The following TXLNG variants were observed in gnomAD, a reference collection of about 807,000 sequenced individuals.
TXLNG encodes gamma-taxilin.
In TXLNG, 5 loss-of-function variants were observed where a neutral mutation model predicts 38.8. That is an observed-to-expected ratio of 0.13 (90% confidence interval 0.07 to 0.27). TXLNG has a LOEUF of 0.27. TXLNG is among the 10% of genes least tolerant of loss of function. The probability of loss-of-function intolerance (pLI) is 1.00; values close to 1 mark genes in which losing one functional copy is unlikely to be tolerated. For synonymous variants in TXLNG, 182 were observed against 158.2 expected, an observed-to-expected ratio of 1.15 and a Z score of -1.13; for missense variants, 393 against 398.2, an observed-to-expected ratio of 0.99 and a Z score of 0.11.
intron 4 of TXLNG, among the ~76,000 whole-genome samples, chrX:16,828,952 G>T (rs967388365): frequency 9.0e-6 from 1 of 111,133 alleles, no homozygotes; most frequent in Non-Finnish European, 1.9e-5. Context: ...TCTTGAAATG[G>T]ATCTTCACCT....
intron 3 of TXLNG, among the ~76,000 whole-genome samples, chrX:16,820,655 TA>T (rs1402158433): frequency 2.7e-5 from 3 of 112,824 alleles, no homozygotes; most frequent in Non-Finnish European, 5.6e-5. Flanking sequence ...AATCATCTGC[TA>T]AAACAATACT....
chrX:16,812,096 T>G (rs1353621598), intron 1 of TXLNG, among the ~76,000 whole-genome samples: 1 of 106,238 alleles, frequency 9.4e-6, no homozygotes, highest in African/African-American at 3.4e-5. Flanking sequence ...CTTTGTCTCC[T>G]GAGTTCAAGC....
intron 8 of TXLNG, chrX:16,839,373 C>G (rs967847454): frequency 9.9e-5 from 11 of 111,633 alleles, no homozygotes; most frequent in African/African-American, 3.6e-4. Context: ...GGCTGAAGAT[C>G]GCTGTCCTCC....
chrX:16,808,990 T>C (rs779127416), intron 1 of TXLNG, among the ~76,000 whole-genome samples: 86 of 112,281 alleles, frequency 7.7e-4, no homozygotes, highest in African/African-American at 2.6e-3. Flanking sequence ...GCAAAGTTTA[T>C]ACTAAACATC....
chrX:16,791,678 C>T (rs1357879655), intron 1 of TXLNG, among the ~76,000 whole-genome samples: 2 of 111,766 alleles, frequency 1.8e-5, no homozygotes, highest in Admixed American at 9.6e-5. Flanking sequence ...CTCCACTTTC[C>T]GGGTTCAAGT....
At position 16,818,824 on chromosome X, in the gene TXLNG, C is replaced by T; in HGVS notation, c.353C>T (p.Pro118Leu). 1.7e-6 allele frequency: 2 copies of T among 1,210,821 alleles called. No individual in the cohort carries two copies. Among genetic ancestry groups the T allele is most frequent in the Non-Finnish European group, 2.2e-6 (2 of 895,098 alleles). ...EIPGGEARTD[P>L]PDGQQDSECN... ...CCTGGGGGAGAAGCTCGAACAGATC[C>T]CCCTGATGGTCAGCAAGATTCAGAG... The change falls in exon 2 of 10, where the codon CCC (proline) becomes CTC (leucine). Residue 118 changes from proline (P) to leucine (L), a missense_variant. By Grantham distance (98) the Pro-to-Leu change is moderately conservative. Coordinates refer to ENST00000380122, the MANE Select transcript of TXLNG (RefSeq NM_018360.3).
In TXLNG at chrX:16,826,274, A is replaced by G. The variant is rs148060132; in HGVS notation, c.499-1820A>G. 6.8e-3 allele frequency among the ~76,000 whole-genome samples: 760 copies of G among 111,968 alleles called. 4 individuals carry two copies. Among genetic ancestry groups the G allele is most frequent in the African/African-American group, 0.023 (715 of 30,806 alleles). On this transcript the variant is annotated intron_variant, in intron 3 of 9. Coordinates refer to ENST00000380122, the MANE Select transcript of TXLNG (RefSeq NM_018360.3). The stretch of plus-strand genomic sequence containing the variant: ...TGCTTTACAAAATTATGCAAAAACA[A>G]TGATTTTTTTTCCTGCAAGAATTTC...
rs758389269 is a variant in TXLNG, at chrX:16,837,248, C to T, written c.1060-345C>T. Among the ~76,000 whole-genome samples the T allele has an allele frequency of 4.5e-5, 5 of 111,968 alleles. No homozygotes were observed. In the South Asian group the frequency reaches 1.5e-3, roughly 33 times the overall value. ...AACTAAGAACTCTGCAGGTGGTATT[C>T]TAAAGGAATGATCTTTTCCCAAGGA... On this transcript the variant is annotated intron_variant, in intron 7 of 9. Coordinates refer to ENST00000380122, the MANE Select transcript of TXLNG (RefSeq NM_018360.3).
intron 8 of TXLNG, 38 bp from the exon 9 acceptor site, chrX:16,839,783 A>AG: frequency 9.7e-7 from 1 of 1,031,486 alleles, no homozygotes; most frequent in East Asian, 3.1e-5. Context: ...GAGATAAGGA[A>AG]GGGAACTTAG....
chrX:16,786,672 C>T (rs1927496134), intron 1 of TXLNG, 83 bp downstream of exon 1: 8 of 683,281 alleles, frequency 1.2e-5, no homozygotes, highest in Non-Finnish European at 1.6e-5. Context: ...CTTCTCTCTC[C>T]CTGGTTACCT....
intron 1 of TXLNG, 61 bp downstream of exon 1, chrX:16,786,650 CA>C (rs1927494427): frequency 1.2e-6 from 1 of 815,498 alleles, no homozygotes; most frequent in Non-Finnish European, 1.6e-6. Flanking sequence ...CTCCCTTTTT[CA>C]GGGTCCACCT....
At chrX:16,836,070 C>G (rs1001840620) in intron 7 of TXLNG, among the ~76,000 whole-genome samples, 2 of 112,250 alleles carry the variant, frequency 1.8e-5, no homozygotes, top group Admixed American at 1.9e-4. Context: ...CCAGCCTGAG[C>G]AACATGGTGA....
At chrX:16,798,492 A>G (rs1405437172) in intron 1 of TXLNG, among the ~76,000 whole-genome samples, 1 of 111,798 alleles carries the variant, frequency 8.9e-6, no homozygotes, top group African/African-American at 3.2e-5. Flanking sequence ...AACATGTTCC[A>G]TAGAAAGAGC....
chrX:16,821,022 G>A lies in TXLNG; in HGVS notation c.498+767G>A, dbSNP rs779872266. ...CTGACCTCGTGATCTGCCCGCCTCG[G>A]CCTCCCAAAGTGCTGGGATTACAGG... On this transcript the variant is annotated intron_variant, in intron 3 of 9. Coordinates refer to ENST00000380122, the MANE Select transcript of TXLNG (RefSeq NM_018360.3). Among the ~76,000 whole-genome samples the A allele has an allele frequency of 3.6e-5, 4 of 110,433 alleles. No individual in the cohort carries two copies. The Admixed American group carries it at 3.8e-4, about 11-fold the overall frequency.
rs1927491501 is a variant in TXLNG at position 16,786,596 on chromosome X, CAG to C, written c.102+8_102+9del. 1.9e-6 allele frequency: 2 copies of C among 1,049,805 alleles called. No homozygotes were observed. Among genetic ancestry groups the C allele is most frequent in the Non-Finnish European group, 2.4e-6 (2 of 818,303 alleles). The allele number at this position is 1,049,805 out of a possible 1,213,427, so 86.5% of individuals were successfully genotyped here. ...ACGCAGCCCGCGGCAGAAGGTCAGTCAGGGGGACGCCCTCGTTGTTGTCGGGC... is the reference window on the plus strand; with the variant it reads ...ACGCAGCCCGCGGCAGAAGGTCAGTCGGGGACGCCCTCGTTGTTGTCGGGC... On this transcript the variant is annotated splice_region_variant and intron_variant, in intron 1 of 9. Coordinates refer to ENST00000380122, the MANE Select transcript of TXLNG (RefSeq NM_018360.3).
intron 1 of TXLNG, among the ~76,000 whole-genome samples, chrX:16,787,845 T>C (rs760278224): frequency 2.7e-5 from 3 of 112,568 alleles, no homozygotes; most frequent in Non-Finnish European, 5.6e-5. Flanking sequence ...AATATTTTTC[T>C]AATGCAATTC....
At chrX:16,790,840 G>T (rs1269856774) in intron 1 of TXLNG, among the ~76,000 whole-genome samples, 1 of 111,915 alleles carries the variant, frequency 8.9e-6, no homozygotes, top group Non-Finnish European at 1.9e-5. Context: ...ACTTGCCTAA[G>T]GGGTGAAGCT....
intron 5 of TXLNG, among the ~76,000 whole-genome samples, chrX:16,832,421 T>C (rs1207169114): frequency 3.6e-5 from 4 of 111,946 alleles, no homozygotes; most frequent in Non-Finnish European, 7.5e-5. Context: ...CTTCTGCCCA[T>C]GTGGGATGGT....
chrX:16,798,708 C>G (rs994306353), intron 1 of TXLNG, among the ~76,000 whole-genome samples: 5 of 110,169 alleles, frequency 4.5e-5, no homozygotes, highest in African/African-American at 1.7e-4. Context: ...GCTTCAGCCT[C>G]CCAAGTAGCT....
Sources: gnomAD v4.1 joint callset for allele counts (sites outside exome capture counted in the v4.1 genomes callset) on GRCh38, gnomAD v4.1.1 for gene constraint, MANE v1.5 for transcripts, NCBI Gene and HGNC (gene_info 2026-07-23, HGNC 2026-07-21) for gene names.